Variants in PCDH11X observed in about 807,000 individuals in gnomAD.
The protein encoded by PCDH11X is protocadherin-11 X-linked.
PCDH11X carries 18 observed loss-of-function variants against 53.3 expected under a neutral mutation model. The ratio of observed to expected loss-of-function variants is 0.34; its 90% CI spans 0.23 to 0.50. The LOEUF is 0.50. Among genes scored for constraint, PCDH11X ranks in the 20% least tolerant of loss-of-function variants. PCDH11X has a pLI of 0.98. For missense variants in PCDH11X, 570 were observed against 1,032.4 expected, an observed-to-expected ratio of 0.55 and a Z score of 6.14; for synonymous variants, 279 against 393.3, an observed-to-expected ratio of 0.71 and a Z score of 3.44.
intron 6 of PCDH11X, among the ~76,000 whole-genome samples, chrX:91,981,021 A>AATATATATATACACACTGAAT (rs1569290434): frequency 1.1e-4 from 11 of 96,200 alleles, no homozygotes; most frequent in African/African-American, 4.2e-4. Flanking sequence ...ATATACACTG[A>AATATATATATACACACTGAAT]ATATATATAT....
intron 1 of PCDH11X, chrX:91,798,398 G>A (rs1182742309): frequency 9.0e-6 from 1 of 110,822 alleles, no homozygotes; most frequent in Non-Finnish European, 1.9e-5. Context: ...AGACCAACCA[G>A]GCCAACATGG....
intron 10 of PCDH11X, among the ~76,000 whole-genome samples, chrX:92,555,767 A>G (rs1254673180): frequency 9.0e-6 from 1 of 111,335 alleles, no homozygotes; most frequent in Non-Finnish European, 1.9e-5. Context: ...TTATTGATCA[A>G]AAGTCTTATT....
intron 7 of PCDH11X, among the ~76,000 whole-genome samples, chrX:92,218,533 T>C: frequency 9.1e-6 from 1 of 110,403 alleles, no homozygotes; most frequent in African/African-American, 3.3e-5. Context: ...AATAACAGGC[T>C]CTGAAATTGT....
chrX:92,067,027 C>CT (rs1488718486), intron 6 of PCDH11X, among the ~76,000 whole-genome samples: 1 of 112,257 alleles, frequency 8.9e-6, no homozygotes, highest in Non-Finnish European at 1.9e-5. Context: ...TCTCTTGAAC[C>CT]TGGGAGATGG....
At chrX:92,102,432 C>G (rs1357711400) in intron 6 of PCDH11X, among the ~76,000 whole-genome samples, 1 of 110,964 alleles carries the variant, frequency 9.0e-6, no homozygotes, top group Non-Finnish European at 1.9e-5. Flanking sequence ...TCTGACCGCA[C>G]GAACCATGCC....
intron 6 of PCDH11X, among the ~76,000 whole-genome samples, chrX:92,074,676 G>A (rs1259780058): frequency 9.0e-6 from 1 of 111,698 alleles, no homozygotes; most frequent in African/African-American, 3.3e-5. Flanking sequence ...ATCAGAGATG[G>A]AAACAATGCA....
At chrX:92,338,821 T>G (rs1441985608) in intron 8 of PCDH11X, among the ~76,000 whole-genome samples, 1 of 112,055 alleles carries the variant, frequency 8.9e-6, no homozygotes, top group Admixed American at 9.5e-5. Context: ...GTATATACCT[T>G]GCTTCTTCTC....
chrX:92,502,276 TA>T (rs1036512116), intron 10 of PCDH11X, among the ~76,000 whole-genome samples: 8 of 110,025 alleles, frequency 7.3e-5, no homozygotes, highest in Admixed American at 1.9e-4. Context: ...ATCACTATTG[TA>T]AAAATGGCCA....
At chrX:92,429,655 GT>G (rs1473184862) in intron 9 of PCDH11X, among the ~76,000 whole-genome samples, 1 of 106,286 alleles carries the variant, frequency 9.4e-6, no homozygotes, top group Non-Finnish European at 1.9e-5. Context: ...TATGGGGGAT[GT>G]ATATCATGAC....
Position 91,904,539 on chromosome X carries a change from C to T in PCDH11X, c.3033+25266C>T, listed in dbSNP as rs192036801. On this transcript the variant is annotated intron_variant, in intron 6 of 10. Coordinates refer to ENST00000682573, the MANE Select transcript of PCDH11X (RefSeq NM_032968.5). The stretch of plus-strand genomic sequence containing the variant: ...AAAATAGTATAAATTAATTGTAGAA[C>T]GTTTGAAAAATACAGATGAATAAAG... Among the ~76,000 whole-genome samples the T allele has an allele frequency of 1.5e-3, 161 of 110,462 alleles. 3 individuals are homozygous for T. The South Asian group carries it at 0.06, about 41-fold the overall frequency.
chrX:92,293,555 G>A (rs1333603973), intron 8 of PCDH11X, among the ~76,000 whole-genome samples: 1 of 107,195 alleles, frequency 9.3e-6, no homozygotes, highest in East Asian at 3.0e-4. Flanking sequence ...ACCAGGAGGC[G>A]GAGCTGGCAG....
intron 6 of PCDH11X, among the ~76,000 whole-genome samples, chrX:91,956,860 G>C (rs2147880815): frequency 9.6e-6 from 1 of 103,770 alleles, no homozygotes; most frequent in South Asian, 4.8e-4. Flanking sequence ...TTTCCAAGTT[G>C]GTTCCATTCT....
At position 92,218,373 on chromosome X, in the gene PCDH11X, C is replaced by G. The variant is rs754448567; in HGVS notation, c.3114+16918C>G. ...AAAATGATAAAGGGGATATCACCACCGATCCCACAGAAATCCAAACTACCA... is the reference window on the plus strand; with the variant it reads ...AAAATGATAAAGGGGATATCACCACGGATCCCACAGAAATCCAAACTACCA... On this transcript the variant is annotated intron_variant, in intron 7 of 10. Transcript: ENST00000682573. Among the ~76,000 whole-genome samples, 590 of 110,445 alleles carry G rather than the reference C, an allele frequency of 5.3e-3. 4 individuals carry two copies. The highest frequency in any genetic ancestry group is 0.018 in the African/African-American group (551 of 30,356).
chrX:92,519,182 A>G (rs1603354589), intron 10 of PCDH11X, among the ~76,000 whole-genome samples: 1 of 110,048 alleles, frequency 9.1e-6, no homozygotes, highest in East Asian at 2.9e-4. Flanking sequence ...TGCTTAATAC[A>G]ATGTATTGGC....
chrX:91,999,078 T>C (rs931159784), intron 6 of PCDH11X, among the ~76,000 whole-genome samples: 8 of 109,152 alleles, frequency 7.3e-5, no homozygotes, highest in African/African-American at 2.7e-4. Context: ...CATGTCCAAC[T>C]ATTTTTAAAT....
At chrX:92,011,156 T>C (rs984917829) in intron 6 of PCDH11X, among the ~76,000 whole-genome samples, 1 of 112,265 alleles carries the variant, frequency 8.9e-6, no homozygotes, top group Admixed American at 9.5e-5. Context: ...TCCATGTTTT[T>C]GCTATTGGGA....
At chrX:92,518,993 G>A (rs2074321742) in intron 10 of PCDH11X, among the ~76,000 whole-genome samples, 1 of 109,413 alleles carries the variant, frequency 9.1e-6, no homozygotes, top group South Asian at 3.9e-4. Context: ...TCCTGACCTC[G>A]TGATCCGCCT....
chrX:92,073,188 A>C (rs145423433), intron 6 of PCDH11X, among the ~76,000 whole-genome samples: 2,556 of 111,842 alleles, frequency 0.023, 67 homozygotes, highest in African/African-American at 0.079. Context: ...GAAGGGTGGC[A>C]TCAGTGATTC....
intron 10 of PCDH11X, among the ~76,000 whole-genome samples, chrX:92,554,843 T>TGGCATGCCTTTATATA (rs1462777796): frequency 9.0e-6 from 1 of 111,184 alleles, no homozygotes; most frequent in East Asian, 2.8e-4. Flanking sequence ...ACTTTCTTCT[T>TGGCATGCCTTTATATA]GGCATGCCTT....
Sources: allele counts gnomAD v4.1 joint callset (sites outside exome capture counted in the v4.1 genomes callset), GRCh38; gene constraint gnomAD v4.1.1; transcripts MANE v1.5; gene names NCBI Gene and HGNC (gene_info 2026-07-23, HGNC 2026-07-21).